Variants in TG observed in about 807,000 individuals in gnomAD.
The protein encoded by TG is thyroid hormones.
A neutral mutation model predicts 324.7 loss-of-function variants in TG; 270 were observed. That is an observed-to-expected ratio of 0.83 (90% CI 0.75 to 0.92). TG has a LOEUF of 0.92. TG is among the 40% of genes least tolerant of loss of function. The pLI, the probability that TG is intolerant of heterozygous loss-of-function variation, is 0.00. For missense variants in TG, 3,591 were observed against 3,456.4 expected (o/e 1.04, Z -0.98); for synonymous variants, 1,401 against 1,327.0 (o/e 1.06, Z -1.21).
At chr8:133,134,643 C>T (rs573508647) in intron 47 of TG, 33 bp from the exon 48 acceptor site, 1 of 1,596,484 alleles carries the variant, frequency 6.3e-7, no homozygotes, top group African/African-American at 1.3e-5. Flanking sequence ...CCTAATCTGG[C>T]TTGGACCAAC....
intron 2 of TG, 108 bp from the exon 3 acceptor site, chr8:132,869,621 C>A: frequency 1.9e-6 from 2 of 1,028,320 alleles, no homozygotes; most frequent in Non-Finnish European, 3.0e-6. Context: ...TTTAAACGAA[C>A]CAAAACTTGC....
intron 41 of TG, among the ~76,000 whole-genome samples, chr8:133,032,262 C>T (rs1443576895): frequency 1.3e-5 from 2 of 152,152 alleles, no homozygotes; most frequent in African/African-American, 4.8e-5. Flanking sequence ...GCAATCTGTC[C>T]CTCCGAAGGT....
At chr8:132,890,100 G>A (rs1191415340) in intron 10 of TG, among the ~76,000 whole-genome samples, 1 of 149,466 alleles carries the variant, frequency 6.7e-6, no homozygotes, top group African/African-American at 2.5e-5. Context: ...TGGATAGAGT[G>A]TTAGAACTAG....
intron 25 of TG, among the ~76,000 whole-genome samples, chr8:132,938,424 A>T (rs913719167): frequency 6.6e-6 from 1 of 152,196 alleles, no homozygotes; most frequent in Non-Finnish European, 1.5e-5. Flanking sequence ...CTCATCTCAC[A>T]GATGAGGTCT....
intron 31 of TG, among the ~76,000 whole-genome samples, chr8:132,968,457 G>A (rs1250296274): frequency 6.6e-6 from 1 of 152,168 alleles, no homozygotes; most frequent in East Asian, 1.9e-4. Flanking sequence ...GATAGAAGGT[G>A]ATTTTCTCTC....
rs1835599026 is a variant in TG at position 133,021,890 on chromosome 8, G to A, written c.6877-101G>A. ...ACTGCATGGGGCTAAGTATGCCACA[G>A]AGCTGGCCAGAGGAGTCCTGTGTCA... On this transcript the variant is annotated intron_variant, in intron 39 of 47. Transcript: ENST00000220616. 2.8e-6 allele frequency: 4 copies of A among 1,450,406 alleles called. No individual in the cohort carries two copies. In the African/African-American group the frequency reaches 4.2e-5, roughly 15 times the overall value. The allele number at this position is 1,450,406 out of a possible 1,614,324, so 89.8% of individuals were successfully genotyped here. A position where few individuals can be genotyped will look rare whatever the true frequency, so the allele number is the denominator to read the frequency against.
chr8:133,087,482 C>A (rs2131581892), intron 41 of TG, among the ~76,000 whole-genome samples: 1 of 152,290 alleles, frequency 6.6e-6, no homozygotes, highest in South Asian at 2.1e-4. Flanking sequence ...ATTGTCCCTG[C>A]AAAGGTTTTC....
At position 132,994,831 on chromosome 8, in the gene TG, G is replaced by A. The variant is rs1049003477; in HGVS notation, c.6262+11419G>A. ...TGAGATGGGGAAAGAGGAGAGAAGG[G>A]GCTGGGTCAGATGATGGAAAGCATT... On this transcript the variant is annotated intron_variant, in intron 35 of 47. Coordinates refer to ENST00000220616, the MANE Select transcript of TG (RefSeq NM_003235.5). The A allele has an allele frequency of 2.3e-6, 3 of 1,279,894 alleles. No individual in the cohort carries two copies. In the Admixed American group the frequency reaches 7.0e-5, roughly 30 times the overall value. The allele number at this position is 1,279,894 out of a possible 1,614,324, so 79.3% of individuals were successfully genotyped here. A position where few individuals can be genotyped will look rare whatever the true frequency, so the allele number is the denominator to read the frequency against.
chr8:133,110,405 G>A (rs761726178), intron 43 of TG, among the ~76,000 whole-genome samples: 13 of 152,148 alleles, frequency 8.5e-5, no homozygotes, highest in Admixed American at 1.3e-4. Context: ...CCACTGGAAC[G>A]AACTATTATA....
chr8:133,134,020 C>T (rs540398220), intron 47 of TG, among the ~76,000 whole-genome samples: 6 of 152,296 alleles, frequency 3.9e-5, no homozygotes, highest in Admixed American at 1.3e-4. Flanking sequence ...TCCTTGAAGT[C>T]CTAGATAGAA....
At position 132,966,608 on chromosome 8, in the gene TG, T is replaced by G; in HGVS notation, c.5597T>G (p.Val1866Gly). The G allele has an allele frequency of 6.2e-7, 1 of 1,614,144 alleles. No individual in the cohort carries two copies. The highest frequency in any genetic ancestry group is 1.3e-5 in the African/African-American group (1 of 75,044). ...FSPVDLNQVI[V>G]NGNQSLSSQK... ...CCTGTGGACCTCAACCAGGTCATTG[T>G]CAATGGAAATCAATCACTATCCAGC... Residue 1866 changes from valine (V) to glycine (G), a missense_variant, in exon 30 of 48, where the codon GTC becomes GGC. Val to Gly is a moderately radical substitution (Grantham distance 109). Transcript: ENST00000220616.
At chr8:133,038,207 C>T (rs550125366) in intron 41 of TG, 2 of 368,168 alleles carry the variant, frequency 5.4e-6, no homozygotes, top group Admixed American at 4.4e-5. Context: ...TCCTGGTGCC[C>T]TTTCTTGTGA....
intron 10 of TG, among the ~76,000 whole-genome samples, chr8:132,891,282 A>C (rs1816203711): frequency 1.3e-5 from 2 of 152,074 alleles, no homozygotes; most frequent in Non-Finnish European, 2.9e-5. Context: ...TAGACGTAGG[A>C]GGGGAGGGGA....
chr8:133,019,586 C>A lies in TG; in HGVS notation c.6783-16C>A. On this transcript the variant is annotated splice_polypyrimidine_tract_variant and intron_variant, in intron 38 of 47. Transcript: ENST00000220616. ...GATGGAGCATGTCTTGGAAGTCACC[C>A]AGTCTGTATCTGCAGGGCCAGCTGC... The A allele has an allele frequency of 1.2e-6, 2 of 1,611,666 alleles. No individual in the cohort carries two copies. The highest frequency in any genetic ancestry group is 2.2e-5 in the East Asian group (1 of 44,792).
intron 35 of TG, among the ~76,000 whole-genome samples, chr8:133,010,139 G>A (rs1381229510): frequency 3.3e-5 from 5 of 152,168 alleles, no homozygotes; most frequent in Non-Finnish European, 4.4e-5. Context: ...CAGGATAGAA[G>A]GAGCATTGAC....
At chr8:132,936,434 T>C (rs748934034) in intron 25 of TG, among the ~76,000 whole-genome samples, 1 of 152,040 alleles carries the variant, frequency 6.6e-6, no homozygotes, top group Non-Finnish European at 1.5e-5. Flanking sequence ...AGTAAATCAT[T>C]GGTGTCAGGC....
At chr8:133,089,730 C>T (rs1186354415) in intron 41 of TG, among the ~76,000 whole-genome samples, 1 of 152,202 alleles carries the variant, frequency 6.6e-6, no homozygotes, top group Non-Finnish European at 1.5e-5. Flanking sequence ...GTTCCAGGCC[C>T]TGTCCTGGGG....
At chr8:133,125,155 G>A (rs1009395759) in intron 45 of TG, among the ~76,000 whole-genome samples, 1 of 152,228 alleles carries the variant, frequency 6.6e-6, no homozygotes, top group African/African-American at 2.4e-5. Flanking sequence ...TCCTAGAAAT[G>A]AGAAACCTGC....
At chr8:133,112,354 T>G (rs1407447892) in intron 43 of TG, among the ~76,000 whole-genome samples, 1 of 152,238 alleles carries the variant, frequency 6.6e-6, no homozygotes, top group East Asian at 1.9e-4. Flanking sequence ...CACAGGACTG[T>G]GCTGGGGCCC....
Sources: allele counts gnomAD v4.1 joint callset (sites outside exome capture counted in the v4.1 genomes callset), GRCh38; gene constraint gnomAD v4.1.1; transcripts MANE v1.5; gene names NCBI Gene and HGNC (gene_info 2026-07-23, HGNC 2026-07-21).